DIAPH2: variants seen among roughly 807,000 people sequenced by gnomAD.
DIAPH2 encodes diaphanous related formin 2.
A neutral mutation model predicts 92.7 loss-of-function variants in DIAPH2; 35 were observed. The ratio of observed to expected loss-of-function variants is 0.38; its 90% CI spans 0.29 to 0.50. DIAPH2 has a LOEUF of 0.50. Ranked by LOEUF, DIAPH2 falls within the 20% of genes least tolerant of loss-of-function variation. The pLI is 0.94. For missense variants in DIAPH2, 701 were observed against 819.5 expected (o/e 0.86, Z 1.77); for synonymous variants, 301 against 280.4 (o/e 1.07, Z -0.73).
chrX:97,280,143 G>C (rs2068484641), intron 23 of DIAPH2, among the ~76,000 whole-genome samples: 1 of 111,219 alleles, frequency 9.0e-6, no homozygotes, highest in African/African-American at 3.3e-5. Flanking sequence ...TTACATCACA[G>C]TAGCTATAAT....
intron 26 of DIAPH2, among the ~76,000 whole-genome samples, chrX:97,501,015 G>A (rs942812509): frequency 9.3e-6 from 1 of 108,098 alleles, no homozygotes; most frequent in Non-Finnish European, 1.9e-5. Flanking sequence ...GTTGTAGTCC[G>A]TTGTTGTCTA....
intron 26 of DIAPH2, among the ~76,000 whole-genome samples, chrX:97,522,320 T>A (rs1196903758): frequency 8.9e-6 from 1 of 111,974 alleles, no homozygotes; most frequent in Admixed American, 9.5e-5. Flanking sequence ...TCAGTTTGTT[T>A]ATTTTTTTAA....
chrX:97,291,504 G>T (rs1183601876), intron 23 of DIAPH2, among the ~76,000 whole-genome samples: 1 of 111,545 alleles, frequency 9.0e-6, no homozygotes, highest in Non-Finnish European at 1.9e-5. Context: ...ACCAGGAATA[G>T]CTTCTACTAA....
intron 25 of DIAPH2, among the ~76,000 whole-genome samples, chrX:97,405,741 T>C (rs2069803247): frequency 8.9e-6 from 1 of 111,912 alleles, no homozygotes; most frequent in South Asian, 3.7e-4. Context: ...TCAAACCATA[T>C]GAAATTGTTG....
At chrX:97,100,960 T>G (rs1056832601) in intron 20 of DIAPH2, among the ~76,000 whole-genome samples, 8 of 111,957 alleles carry the variant, frequency 7.1e-5, no homozygotes, top group African/African-American at 2.6e-4. Context: ...AAATCAGGAA[T>G]GTATGTTTGG....
intron 4 of DIAPH2, among the ~76,000 whole-genome samples, chrX:96,815,423 A>G (rs1279947745): frequency 9.0e-6 from 1 of 111,363 alleles, no homozygotes; most frequent in Non-Finnish European, 1.9e-5. Flanking sequence ...TTTTTTAGGT[A>G]TAGTCTGTCA....
chrX:96,910,298 T>C (rs1349719532), intron 5 of DIAPH2, among the ~76,000 whole-genome samples: 2 of 111,908 alleles, frequency 1.8e-5, no homozygotes, highest in East Asian at 5.6e-4. Flanking sequence ...TTGCCAATTA[T>C]CATTACAGTG....
At chrX:97,370,501 T>G in intron 24 of DIAPH2, among the ~76,000 whole-genome samples, 1 of 111,946 alleles carries the variant, frequency 8.9e-6, no homozygotes, top group Non-Finnish European at 1.9e-5. Context: ...GTATATGAGG[T>G]GTAACTGTTT....
chrX:96,917,525 A>G (rs2065512912), intron 8 of DIAPH2, among the ~76,000 whole-genome samples: 1 of 111,762 alleles, frequency 8.9e-6, no homozygotes, highest in South Asian at 3.7e-4. Context: ...AAGTCAGTTT[A>G]TACATGTGTA....
chrX:97,506,248 C>G (rs2070832282), intron 26 of DIAPH2, among the ~76,000 whole-genome samples: 1 of 91,371 alleles, frequency 1.1e-5, no homozygotes, highest in African/African-American at 4.1e-5. Flanking sequence ...CTCCCAGGTT[C>G]AAGCAATTCT....
chrX:97,036,666 T>C (rs778485630), intron 17 of DIAPH2, among the ~76,000 whole-genome samples: 7 of 112,078 alleles, frequency 6.2e-5, no homozygotes, highest in Non-Finnish European at 1.3e-4. Context: ...CATCATTCTC[T>C]CTGTCCCAGC....
chrX:96,758,330 C>A, intron 4 of DIAPH2, 72 bp downstream of exon 4: 1 of 880,619 alleles, frequency 1.1e-6, no homozygotes, highest in Non-Finnish European at 1.6e-6. Context: ...TAAAAATAAA[C>A]AAACCTCAGC....
intron 26 of DIAPH2, among the ~76,000 whole-genome samples, chrX:97,433,110 T>C (rs906985151): frequency 1.8e-5 from 2 of 111,427 alleles, no homozygotes; most frequent in Non-Finnish European, 1.9e-5. Context: ...CTTCCACATA[T>C]TGCCTCCAGC....
At chrX:96,980,801 AT>A (rs1347897140) in intron 17 of DIAPH2, among the ~76,000 whole-genome samples, 1 of 109,710 alleles carries the variant, frequency 9.1e-6, no homozygotes, top group Admixed American at 9.8e-5. Context: ...CAGTTTGCTA[AT>A]GTTAATTTGT....
At chrX:97,069,361 G>A (rs1395819625) in intron 17 of DIAPH2, among the ~76,000 whole-genome samples, 3 of 111,301 alleles carry the variant, frequency 2.7e-5, no homozygotes, top group Non-Finnish European at 5.7e-5. Flanking sequence ...TCCCTATATA[G>A]AACTATGCTT....
At chrX:97,147,333 G>A (rs1479042406) in intron 22 of DIAPH2, among the ~76,000 whole-genome samples, 1 of 109,015 alleles carries the variant, frequency 9.2e-6, no homozygotes, top group Non-Finnish European at 1.9e-5. Flanking sequence ...TTTTCTTTTG[G>A]TGAACCACAA....
intron 23 of DIAPH2, among the ~76,000 whole-genome samples, chrX:97,287,270 A>G (rs766338790): frequency 3.7e-5 from 4 of 109,054 alleles, no homozygotes; most frequent in Non-Finnish European, 5.7e-5. Context: ...ATGCCACCGA[A>G]CTCCAGCCTG....
intron 5 of DIAPH2, among the ~76,000 whole-genome samples, chrX:96,890,570 C>T (rs1418477656): frequency 2.7e-5 from 3 of 111,320 alleles, no homozygotes; most frequent in African/African-American, 9.8e-5. Flanking sequence ...GGTAATTCTC[C>T]TCCCTACCAC....
chrX:97,103,268 A>C (rs1191300585), intron 20 of DIAPH2, among the ~76,000 whole-genome samples: 1 of 111,282 alleles, frequency 9.0e-6, no homozygotes, highest in Non-Finnish European at 1.9e-5. Flanking sequence ...AAAAAAGAAA[A>C]TCTTCAGTCA....
Sources: gnomAD v4.1 joint callset for allele counts (sites outside exome capture counted in the v4.1 genomes callset) on GRCh38, gnomAD v4.1.1 for gene constraint, MANE v1.5 for transcripts, NCBI Gene and HGNC (gene_info 2026-07-23, HGNC 2026-07-21) for gene names.